Variants in PCDHA1 observed in about 807,000 individuals in gnomAD.
PCDHA1 encodes the protein protocadherin alpha 1, also known as protocadherin alpha-1.
Under a neutral mutation model 61.3 loss-of-function variants are expected in PCDHA1, and 42 were observed. That is an observed-to-expected ratio of 0.69 (90% CI 0.54 to 0.89). PCDHA1 has a LOEUF of 0.89. PCDHA1 is among the 40% of genes least tolerant of loss of function. PCDHA1 has a pLI of 0.00. For missense variants in PCDHA1, 1,256 were observed against 1,235.3 expected, an observed-to-expected ratio of 1.02 and a Z score of -0.25; for synonymous variants, 610 against 553.8, an observed-to-expected ratio of 1.10 and a Z score of -1.43.
At chr5:140,824,610 G>GTTTTTTTTTTTTTTTTTTTTTTTTTTTTT (rs782443702) in intron 1 of PCDHA1, 2 of 95,104 alleles carry the variant, frequency 2.1e-5, no homozygotes, top group Non-Finnish European at 3.8e-5. Context: ...GCTAATTAAA[G>GTTTTTTTTTTTTTTTTTTTTTTTTTTTTT]TTTTTTTTTT....
rs199529084 is a variant in PCDHA1, at chr5:140,856,259, G to C, written c.2394+67575G>C. The C allele has an allele frequency of 2.8e-5, 44 of 1,598,088 alleles. 4 individuals are homozygous for C. Among genetic ancestry groups the C allele is most frequent in the Non-Finnish European group, 3.5e-5 (41 of 1,167,866 alleles). Reference sequence around the variant, plus strand: ...GTTCCGGGTGGCGTCCAAAAGACACGGGGACCTTCTGGAGGTAAATCTGCA... The same window carrying C: ...GTTCCGGGTGGCGTCCAAAAGACACCGGGACCTTCTGGAGGTAAATCTGCA... On this transcript the variant is annotated intron_variant, in intron 1 of 3. Coordinates refer to ENST00000504120, the MANE Select transcript of PCDHA1 (RefSeq NM_018900.4).
intron 1 of PCDHA1, chr5:140,969,448 G>C (rs781843317): frequency 2.0e-6 from 3 of 1,537,944 alleles, no homozygotes; most frequent in Non-Finnish European, 2.6e-6. Flanking sequence ...CTGGTAAACT[G>C]AGTATATATA....
chr5:141,004,883 A>T (rs1273215928), intron 3 of PCDHA1, among the ~76,000 whole-genome samples: 4 of 152,132 alleles, frequency 2.6e-5, no homozygotes, highest in Admixed American at 2.0e-4. Flanking sequence ...CTAAAGTGCT[A>T]TTGTGTCAGC....
chr5:140,811,529 T>C (rs1554125761), intron 1 of PCDHA1: 2 of 152,210 alleles, frequency 1.3e-5, no homozygotes. Context: ...TACCCAGTAA[T>C]GGGTCAAATG....
chr5:140,791,126 G>T (rs1385048360), intron 1 of PCDHA1, among the ~76,000 whole-genome samples: 1 of 152,190 alleles, frequency 6.6e-6, no homozygotes, highest in Non-Finnish European at 1.5e-5. Flanking sequence ...GGTCAGTGAA[G>T]GATGCAAATA....
intron 1 of PCDHA1, chr5:140,968,679 A>T: frequency 6.2e-7 from 1 of 1,614,176 alleles, no homozygotes; most frequent in South Asian, 1.1e-5. Flanking sequence ...GTAGAGCTGC[A>T]CACAGGAGAA....
At chr5:140,844,934 G>T (rs1554140786) in intron 1 of PCDHA1, among the ~76,000 whole-genome samples, 1 of 149,226 alleles carries the variant, frequency 6.7e-6, no homozygotes, top group African/African-American at 2.5e-5. Context: ...GGGAATGAAC[G>T]ATTTCTGGGA....
intron 3 of PCDHA1, among the ~76,000 whole-genome samples, chr5:141,007,422 G>C (rs190866782): frequency 7.0e-6 from 1 of 143,592 alleles, no homozygotes; most frequent in Non-Finnish European, 1.5e-5. Flanking sequence ...AAAAAAATTA[G>C]CCAGGCATGG....
At chr5:140,896,116 A>G (rs2065393833) in intron 1 of PCDHA1, among the ~76,000 whole-genome samples, 1 of 152,044 alleles carries the variant, frequency 6.6e-6, no homozygotes, top group Admixed American at 6.6e-5. Context: ...TGGCCAATGT[A>G]CTGCATTTTA....
chr5:140,875,305 C>T, intron 1 of PCDHA1: 1 of 1,420,254 alleles, frequency 7.0e-7, no homozygotes, highest in South Asian at 1.6e-5. Context: ...TTTCTCCGCA[C>T]CCACATTCCA....
At chr5:140,799,297 C>T (rs1342101109) in intron 1 of PCDHA1, among the ~76,000 whole-genome samples, 4 of 152,024 alleles carry the variant, frequency 2.6e-5, no homozygotes, top group Admixed American at 6.5e-5. Flanking sequence ...TTCCATTTTG[C>T]AATTAGTATA....
rs1554117579 is a variant in PCDHA1 at position 140,786,863 on chromosome 5, T to A, written c.573T>A (p.Ser191=). The A allele has an allele frequency of 1.9e-6, 3 of 1,614,194 alleles. No homozygotes were observed. In the South Asian group the frequency reaches 3.3e-5, roughly 18 times the overall value. ...DVEASDELSK[S]LWLELRKYLD... is the part of the protein sequence containing the mutation. Reference sequence around the variant, plus strand: ...AGGCAAGTGATGAACTGAGTAAATCTCTTTGGCTTGAATTGAGAAAATATT... The same window carrying A: ...AGGCAAGTGATGAACTGAGTAAATCACTTTGGCTTGAATTGAGAAAATATT... The change falls in exon 1 of 4, where the codon TCT becomes TCA. Residue 191 remains serine (S), a synonymous_variant. Coordinates refer to ENST00000504120, the MANE Select transcript of PCDHA1 (RefSeq NM_018900.4).
At chr5:140,990,737 C>T (rs2097410697) in intron 3 of PCDHA1, among the ~76,000 whole-genome samples, 1 of 152,162 alleles carries the variant, frequency 6.6e-6, no homozygotes, top group African/African-American at 2.4e-5. Context: ...ATCAACAGCC[C>T]TAGGGTGGAT....
intron 1 of PCDHA1, among the ~76,000 whole-genome samples, chr5:140,915,626 G>GTCTCTCTCTCTCTCTC (rs57920489): frequency 1.4e-5 from 2 of 146,436 alleles, no homozygotes; most frequent in African/African-American, 2.5e-5. Context: ...GTCTCTTTCT[G>GTCTCTCTCTCTCTCTC]TCTCTCTCTC....
At chr5:140,821,828 T>G in intron 1 of PCDHA1, 1 of 1,614,176 alleles carries the variant, frequency 6.2e-7, no homozygotes, top group East Asian at 2.2e-5. Context: ...CTGCTCTGGC[T>G]TCTCCTTGCC....
intron 2 of PCDHA1, among the ~76,000 whole-genome samples, chr5:140,981,645 A>G (rs2096941816): frequency 6.6e-6 from 1 of 152,126 alleles, no homozygotes; most frequent in Admixed American, 6.6e-5. Context: ...TTCTCTTAGG[A>G]TCCCACTTAT....
chr5:140,912,635 T>G (rs1554195442), intron 1 of PCDHA1, among the ~76,000 whole-genome samples: 2 of 152,156 alleles, frequency 1.3e-5, no homozygotes, highest in Admixed American at 6.5e-5. Context: ...AGACTTTCAG[T>G]ACTATGTTGA....
chr5:140,837,077 TATAA>T (rs1774901335), intron 1 of PCDHA1: 1 of 173,054 alleles, frequency 5.8e-6, no homozygotes. Context: ...AATCAATACC[TATAA>T]ATGTTATAGT....
rs2153793513 is a variant in PCDHA1, at chr5:140,972,346, C to T, written c.2395-6603C>T. Among the ~76,000 whole-genome samples, 6 of 151,468 alleles carry T rather than the reference C, an allele frequency of 4.0e-5. No homozygotes were observed. In the Middle Eastern group the frequency reaches 0.014, roughly 346 times the overall value. The stretch of plus-strand genomic sequence containing the variant: ...TTTTTTTTGGAAGAGATGGGGGTCT[C>T]ACTATGTTGCACATGCTGTTAGTAT... On this transcript the variant is annotated intron_variant, in intron 1 of 3. Transcript: ENST00000504120.
Sources: allele counts gnomAD v4.1 joint callset (sites outside exome capture counted in the v4.1 genomes callset), GRCh38; gene constraint gnomAD v4.1.1; transcripts MANE v1.5; gene names NCBI Gene and HGNC (gene_info 2026-07-23, HGNC 2026-07-21).